ATP1A3: variants seen among roughly 807,000 people sequenced by gnomAD.
ATP1A3 encodes ATPase Na+/K+ transporting subunit alpha 3.
In ATP1A3, 12 loss-of-function variants were observed where a neutral mutation model predicts 108.8. That is an observed-to-expected ratio of 0.11 (90% CI 0.07 to 0.18). The LOEUF (loss-of-function observed/expected upper bound fraction) is 0.18. ATP1A3 is among the 10% of genes least tolerant of loss of function. ATP1A3 has a pLI of 1.00. For missense variants in ATP1A3, 498 were observed against 1,387.7 expected, an observed-to-expected ratio of 0.36 and a Z score of 10.19; for synonymous variants, 539 against 564.5, an observed-to-expected ratio of 0.95 and a Z score of 0.64.
chr19:41,986,428 G>A (rs1409630540), intron 4 of ATP1A3, 199 bp from the exon 5 acceptor site: 6 of 526,152 alleles, frequency 1.1e-5, no homozygotes, highest in Non-Finnish European at 3.4e-6. Context: ...TAATGGTTGT[G>A]TTTGAATCTA....
rs371236367 is a variant in ATP1A3, at chr19:41,971,631, G to A, written c.2264-1089C>T. Among the ~76,000 whole-genome samples the A allele has an allele frequency of 1.4e-4, 21 of 152,242 alleles. No individual in the cohort carries two copies. The South Asian group carries it at 3.3e-3, about 24-fold the overall frequency. ...CCTTGGATCCCGTGCTGAGTGACACGAGCCAGACACAAAAGCATTCTTAGC... is the reference window on the plus strand; with the variant it reads ...CCTTGGATCCCGTGCTGAGTGACACAAGCCAGACACAAAAGCATTCTTAGC... On this transcript the variant is annotated intron_variant, in intron 16 of 22. Transcript: ENST00000648268.
intron 4 of ATP1A3, chr19:41,986,529 G>A (rs753156003): frequency 8.7e-6 from 3 of 342,882 alleles, no homozygotes; most frequent in South Asian, 7.0e-5. Context: ...TGCAATCTCC[G>A]CCTCCTGGTT....
At position 41,985,827 on chromosome 19, in the gene ATP1A3, G is replaced by C. The variant is rs781937030; in HGVS notation, c.606+37C>G. ...CTGGGCCTGAGCTCCTGGGCAGCCC[G>C]AGGGAGGGTAAAGCCGGGCCCTAGG... On this transcript the variant is annotated intron_variant, in intron 6 of 22. Transcript: ENST00000648268. This position sits in a 1 kb window ranked among gnomAD's most constrained non-coding sequence, Gnocchi z 8.2. 6.2e-7 allele frequency: 1 copy of C among 1,611,562 alleles called. No individual in the cohort carries two copies. The highest frequency in any genetic ancestry group is 1.1e-5 in the South Asian group (1 of 91,050).
intron 1 of ATP1A3, chr19:41,993,260 G>T (rs1450487516): frequency 2.8e-5 from 24 of 871,462 alleles, no homozygotes; most frequent in Non-Finnish European, 1.8e-6. Context: ...AGGGAGGGAG[G>T]CGGCATCTGC....
At chr19:41,976,016 AGGT>A (rs2075163833) in intron 15 of ATP1A3, among the ~76,000 whole-genome samples, 5 of 113,230 alleles carry the variant, frequency 4.4e-5, no homozygotes, top group African/African-American at 1.4e-4. Flanking sequence ...TCAGACCCAG[AGGT>A]CCAGGCCCCC....
chr19:41,984,820 T>A, intron 8 of ATP1A3, 98 bp downstream of exon 8: 14 of 1,237,660 alleles, frequency 1.1e-5, no homozygotes, highest in Non-Finnish European at 1.5e-5. Context: ...CCCTCCTCCC[T>A]CAGACTCAGG....
At position 41,975,789 on chromosome 19, in the gene ATP1A3, A is replaced by G; in HGVS notation, c.2103T>C (p.Ile701=). Residue 701 remains isoleucine (I), a synonymous_variant, in exon 16 of 23, where the codon ATT becomes ATC. Coordinates refer to ENST00000648268, the MANE Select transcript of ATP1A3 (RefSeq NM_152296.5). ...TCACACCATCCCCGGTCACAGCCAC[A>G]ATTGCACCCTGGAGGGAGAGAGGGT... ...IVEGCQRQGA[I]VAVTGDGVND... 6.2e-7 allele frequency: 1 copy of G among 1,613,986 alleles called. No homozygotes were observed. The highest frequency in any genetic ancestry group is 8.5e-7 in the Non-Finnish European group (1 of 1,179,956).
Position 41,967,134 on chromosome 19 carries a change from GAA to G in ATP1A3, c.3013+113_3013+114del. The G allele has an allele frequency of 6.4e-7, 1 of 1,569,136 alleles. No individual in the cohort carries two copies. The highest frequency in any genetic ancestry group is 8.6e-7 in the Non-Finnish European group (1 of 1,157,134). On this transcript the variant is annotated intron_variant, in intron 22 of 22. Coordinates refer to ENST00000648268, the MANE Select transcript of ATP1A3 (RefSeq NM_152296.5). This position sits in a 1 kb window ranked among gnomAD's most constrained non-coding sequence, Gnocchi z 4.2. ...GTGCCCGGAGAGATGGGAAGAGAGA[GAA>G]GAGTGGGAACCAGGTGGCAGAGCCA...
rs1555862182 is a variant in ATP1A3, at chr19:41,978,355, G to T, written c.1631-29C>A. On this transcript the variant is annotated intron_variant, in intron 12 of 22. Coordinates refer to ENST00000648268, the MANE Select transcript of ATP1A3 (RefSeq NM_152296.5). This position sits in a 1 kb window ranked among gnomAD's most constrained non-coding sequence, Gnocchi z 8.3. Reference sequence around the variant, plus strand: ...GTGGCAGGGAAGGGTTGGGGTGTGAGGGTCCCAGCCTCGGAACCTCCGCCC... The same window carrying T: ...GTGGCAGGGAAGGGTTGGGGTGTGATGGTCCCAGCCTCGGAACCTCCGCCC... 3 of 1,576,126 alleles carry T rather than the reference G, an allele frequency of 1.9e-6. No individual in the cohort carries two copies. The highest frequency in any genetic ancestry group is 2.6e-6 in the Non-Finnish European group (3 of 1,160,992).
intron 1 of ATP1A3, among the ~76,000 whole-genome samples, chr19:41,991,533 G>C (rs2145990272): frequency 6.6e-6 from 1 of 152,330 alleles, no homozygotes; most frequent in South Asian, 2.1e-4. Flanking sequence ...TGGAGAGATG[G>C]AGAGATGTGG....
chr19:41,986,954 C>T (rs1313334678), intron 4 of ATP1A3, among the ~76,000 whole-genome samples: 2 of 152,022 alleles, frequency 1.3e-5, no homozygotes, highest in East Asian at 3.9e-4. Flanking sequence ...GTATGTTACT[C>T]AGGCTACTGG....
At chr19:41,973,120 G>A (rs1439941865) in intron 16 of ATP1A3, among the ~76,000 whole-genome samples, 1 of 152,224 alleles carries the variant, frequency 6.6e-6, no homozygotes, top group Non-Finnish European at 1.5e-5. Flanking sequence ...AATCCAGTGT[G>A]TGTTCCAGGT....
At position 41,966,693 on chromosome 19, in the gene ATP1A3, A is replaced by C. The variant is rs2075045266; in HGVS notation, c.*244T>G. 37 of 1,503,684 alleles carry C rather than the reference A, an allele frequency of 2.5e-5. No individual in the cohort carries two copies. Among genetic ancestry groups the C allele is most frequent in the East Asian group, 1.4e-4 (5 of 37,006 alleles). 93.1% of individuals were successfully genotyped at this position (1,503,684 alleles called of 1,614,324 possible). ...CAGGGAGGTGGCTGGGGCGGGAGGA[A>C]TGGATAGAGGGGTGAGGAGAGGGAG... is the stretch of plus-strand genomic sequence containing the variant. On this transcript the variant is annotated 3_prime_UTR_variant, in exon 23 of 23. Transcript: ENST00000648268.
intron 16 of ATP1A3, 65 bp from the exon 17 acceptor site, chr19:41,970,607 T>C: frequency 5.2e-6 from 6 of 1,149,694 alleles, no homozygotes; most frequent in Non-Finnish European, 7.6e-6. Context: ...CTGCCCCTCC[T>C]CTGCCCTCAT....
At chr19:41,974,525 G>T (rs868906675) in intron 16 of ATP1A3, among the ~76,000 whole-genome samples, 1 of 152,156 alleles carries the variant, frequency 6.6e-6, no homozygotes, top group Non-Finnish European at 1.5e-5. Context: ...AGGAGACAAG[G>T]GCTGAGGACA....
rs781928732 is a variant in ATP1A3, at chr19:41,969,506, G to A, written c.2617C>T (p.Leu873=). 5 of 1,614,224 alleles carry A rather than the reference G, an allele frequency of 3.1e-6. No homozygotes were observed. The highest frequency in any genetic ancestry group is 1.7e-5 in the Admixed American group (1 of 60,032). The change falls in exon 19 of 23, where the codon CTG becomes TTG. Residue 873 remains leucine, a synonymous_variant. Transcript: ENST00000648268. ...TCCCAGTTCAGCCGGATGCCCACCA[G>A]GTTGCCGGGCAAGAAGCCATTTTCT... The part of the protein sequence containing the change: ...LAENGFLPGN[L]VGIRLNWDDR...
intron 4 of ATP1A3, chr19:41,986,495 T>A (rs2075288143): frequency 2.7e-6 from 1 of 373,410 alleles, no homozygotes; most frequent in Non-Finnish European, 5.2e-6. Context: ...CAGGCTGGAG[T>A]GCAATGGCAT....
chr19:41,976,861 G>T (rs879960283), intron 14 of ATP1A3, among the ~76,000 whole-genome samples: 15 of 152,024 alleles, frequency 9.9e-5, no homozygotes, highest in Non-Finnish European at 2.2e-4. Flanking sequence ...CTGGAGTGCA[G>T]TGGCGCAATC....
In ATP1A3 at chr19:41,977,937, G is replaced by C; in HGVS notation, c.1942C>G (p.Arg648Gly). ...LNIPVSQVNP[R>G]DAKACVIHGT... ...CCCTGGCTGGGATGGGTGGCTCACC[G>C]GGGGTTAACCTGGCTGACGGGAATG... The change falls in exon 14 of 23, where the codon CGG (arginine) becomes GGG (glycine). Residue 648 changes from arginine (R) to glycine (G), a missense_variant and splice_region_variant. Arg to Gly is a moderately radical substitution (Grantham distance 125). Around this residue, in one of 9 missense-constraint regions of ATP1A3, gnomAD observed 31 missense variants for 132.5 expected, o/e 0.23. Transcript: ENST00000648268. 1.2e-6 allele frequency: 2 copies of C among 1,614,112 alleles called. No individual in the cohort carries two copies. The highest frequency in any genetic ancestry group is 1.7e-6 in the Non-Finnish European group (2 of 1,179,962).
Sources: gnomAD v4.1 joint callset for allele counts (sites outside exome capture counted in the v4.1 genomes callset) on GRCh38, gnomAD v4.1.1 for gene constraint, gnomAD v4.1.1 regional missense constraint, Gnocchi (gnomAD v3.1) non-coding constraint, MANE v1.5 for transcripts, NCBI Gene and HGNC (gene_info 2026-07-23, HGNC 2026-07-21) for gene names.